Variants in MPHOSPH6 observed in about 807,000 individuals in gnomAD.
The protein encoded by MPHOSPH6 is M-phase phosphoprotein 6.
In MPHOSPH6, 25 loss-of-function variants were observed where a neutral mutation model predicts 21.8. The observed-to-expected ratio is 1.15, with a 90% CI of 0.83 to 1.60. The LOEUF (loss-of-function observed/expected upper bound fraction) is 1.60. Among genes scored for constraint, MPHOSPH6 ranks in the 40% most tolerant of loss-of-function variants. The pLI, the probability that MPHOSPH6 is intolerant of heterozygous loss-of-function variation, is 0.00. For synonymous variants in MPHOSPH6, 84 were observed against 56.5 expected (o/e 1.49, Z -2.18); for missense variants, 269 against 181.8 (o/e 1.48, Z -2.76).
intron 2 of MPHOSPH6, among the ~76,000 whole-genome samples, chr16:82,157,204 T>C (rs758150315): frequency 6.6e-6 from 1 of 152,194 alleles, no homozygotes; most frequent in Non-Finnish European, 1.5e-5. Flanking sequence ...ACTCCAAATG[T>C]TGAACTCTCA....
chr16:82,169,025 G>GAGTTA (rs1363810352), intron 1 of MPHOSPH6, among the ~76,000 whole-genome samples: 1 of 152,196 alleles, frequency 6.6e-6, no homozygotes, highest in East Asian at 1.9e-4. Context: ...TGTAAGAAGA[G>GAGTTA]AGTTACTGCC....
rs1331516889 is a variant in MPHOSPH6 at position 82,148,597 on chromosome 16, T to A, written c.*134A>T. On this transcript the variant is annotated 3_prime_UTR_variant, in exon 5 of 5. Transcript: ENST00000258169. ...TCACACATCTGTTTCAAAAACAGCATGTTTCTAAAATGATAATCTCTTTAC... is the reference window on the plus strand; with the variant it reads ...TCACACATCTGTTTCAAAAACAGCAAGTTTCTAAAATGATAATCTCTTTAC... 3 of 1,142,356 alleles carry A rather than the reference T, an allele frequency of 2.6e-6. No individual in the cohort carries two copies. The highest frequency in any genetic ancestry group is 3.6e-6 in the Non-Finnish European group (3 of 837,300). The allele number at this position is 1,142,356 out of a possible 1,614,324, so 70.8% of individuals were successfully genotyped here. A position where few individuals can be genotyped will look rare whatever the true frequency, so the allele number is the denominator to read the frequency against.
intron 1 of MPHOSPH6, among the ~76,000 whole-genome samples, chr16:82,168,531 C>T (rs11645372): frequency 0.66 from 97,312 of 148,294 alleles, 33,801 homozygotes; most frequent in East Asian, 0.78. Flanking sequence ...AGTGCAGTGG[C>T]GCCATCTCAG....
intron 2 of MPHOSPH6, chr16:82,163,859 T>C (rs1489385220): frequency 6.9e-6 from 3 of 437,012 alleles, no homozygotes; most frequent in Non-Finnish European, 1.2e-5. Context: ...CTTCATTCAA[T>C]GTAAAAAAGG....
intron 2 of MPHOSPH6, chr16:82,162,236 C>G (rs985398276): frequency 6.6e-6 from 1 of 152,206 alleles, no homozygotes; most frequent in Non-Finnish European, 1.5e-5. Context: ...AAACAACTGG[C>G]GGAGCTGGGC....
At chr16:82,148,945 A>T in intron 4 of MPHOSPH6, 82 bp from the exon 5 acceptor site, 1 of 1,494,598 alleles carries the variant, frequency 6.7e-7, no homozygotes, top group Non-Finnish European at 9.1e-7. Context: ...CAGACCAAAT[A>T]TGCAATAAAA....
chr16:82,150,056 A>G (rs970825191), intron 3 of MPHOSPH6, among the ~76,000 whole-genome samples: 1 of 149,888 alleles, frequency 6.7e-6, no homozygotes, highest in African/African-American at 2.4e-5. Flanking sequence ...TAGCAAGAGG[A>G]GAAGGAATAA....
In MPHOSPH6 at chr16:82,163,908, T is replaced by G; in HGVS notation, c.164+174A>C. 3 of 535,484 alleles carry G rather than the reference T, an allele frequency of 5.6e-6. No homozygotes were observed. The South Asian group carries it at 8.4e-5, about 15-fold the overall frequency. The allele number at this position is 535,484 out of a possible 1,614,324, so 33.2% of individuals were successfully genotyped here. A position where few individuals can be genotyped will look rare whatever the true frequency, so the allele number is the denominator to read the frequency against. On this transcript the variant is annotated intron_variant, in intron 2 of 4. Coordinates refer to ENST00000258169, the MANE Select transcript of MPHOSPH6 (RefSeq NM_005792.2). ...TGGGAGGGGGAGTAGTAAAAATGTA[T>G]AAATCCATGTACAACTTCTATAGGT...
At chr16:82,156,726 A>G (rs1906439099) in intron 2 of MPHOSPH6, among the ~76,000 whole-genome samples, 1 of 152,212 alleles carries the variant, frequency 6.6e-6, no homozygotes, top group Non-Finnish European at 1.5e-5. Context: ...TGAAAACATA[A>G]CAAAACAAAA....
chr16:82,159,892 G>C (rs1248199137), intron 2 of MPHOSPH6, among the ~76,000 whole-genome samples: 2 of 152,118 alleles, frequency 1.3e-5, no homozygotes, highest in South Asian at 2.1e-4. Context: ...CTTTTTCTAT[G>C]AACTTGGGAT....
At chr16:82,165,865 G>A (rs1309789280) in intron 1 of MPHOSPH6, among the ~76,000 whole-genome samples, 2 of 113,704 alleles carry the variant, frequency 1.8e-5, no homozygotes, top group African/African-American at 2.8e-5. Flanking sequence ...ACGTATCCCT[G>A]TTGTTAAATC....
At chr16:82,157,872 G>A (rs1352419933) in intron 2 of MPHOSPH6, among the ~76,000 whole-genome samples, 1 of 152,202 alleles carries the variant, frequency 6.6e-6, no homozygotes, top group Non-Finnish European at 1.5e-5. Flanking sequence ...CCTGCAGTTG[G>A]AATGGAGACA....
At chr16:82,149,264 T>C (rs764917030) in intron 4 of MPHOSPH6, 45 bp downstream of exon 4, 27 of 1,574,948 alleles carry the variant, frequency 1.7e-5, no homozygotes, top group Non-Finnish European at 2.1e-5. Flanking sequence ...GGAGAGCCAA[T>C]GAATGCTAGG....
At position 82,164,078 on chromosome 16, in the gene MPHOSPH6, C is replaced by T. The variant is rs779510305; in HGVS notation, c.164+4G>A. The T allele has an allele frequency of 7.5e-6, 12 of 1,592,822 alleles. No individual in the cohort carries two copies. In the Admixed American group the frequency reaches 2.0e-4, roughly 27 times the overall value. ...ATCATCAGTATCAATTTTAATAAAC[C>T]TACTCTTTCTCTTTAAGCTCTGGCA... On this transcript the variant is annotated splice_donor_region_variant and intron_variant, in intron 2 of 4. Coordinates refer to ENST00000258169, the MANE Select transcript of MPHOSPH6 (RefSeq NM_005792.2).
At chr16:82,156,569 A>T (rs910284681) in intron 2 of MPHOSPH6, among the ~76,000 whole-genome samples, 1 of 152,256 alleles carries the variant, frequency 6.6e-6, no homozygotes, top group African/African-American at 2.4e-5. Context: ...AAAAACCATA[A>T]TAAGATGCCA....
rs1338034462 is a variant in MPHOSPH6, at chr16:82,149,329, T to G, written c.330A>C (p.Ser110=). ...VEDETVELDV[S]DEEMARRYET... is the part of the protein sequence containing the mutation. Reference sequence around the variant, plus strand: ...GTTACCTTCTAGCCATCTCTTCATCTGACACATCAAGCTCTACTGTTTCAT... The same window carrying G: ...GTTACCTTCTAGCCATCTCTTCATCGGACACATCAAGCTCTACTGTTTCAT... The change falls in exon 4 of 5, where the codon TCA becomes TCC. Residue 110 remains serine, a synonymous_variant. Coordinates refer to ENST00000258169, the MANE Select transcript of MPHOSPH6 (RefSeq NM_005792.2). The G allele has an allele frequency of 1.2e-6, 2 of 1,613,376 alleles. No individual in the cohort carries two copies. The highest frequency in any genetic ancestry group is 1.7e-6 in the Non-Finnish European group (2 of 1,180,018).
At chr16:82,154,333 A>C (rs1906361083) in intron 2 of MPHOSPH6, among the ~76,000 whole-genome samples, 1 of 152,236 alleles carries the variant, frequency 6.6e-6, no homozygotes, top group African/African-American at 2.4e-5. Flanking sequence ...ATGTAAGTCA[A>C]CTGCCTAATG....
At chr16:82,163,259 C>G (rs1906661605) in intron 2 of MPHOSPH6, among the ~76,000 whole-genome samples, 1 of 152,144 alleles carries the variant, frequency 6.6e-6, no homozygotes, top group Non-Finnish European at 1.5e-5. Flanking sequence ...AGTCATTTGA[C>G]CAAAGTTTAA....
intron 1 of MPHOSPH6, among the ~76,000 whole-genome samples, chr16:82,167,927 C>A (rs1194384662): frequency 6.6e-6 from 1 of 152,174 alleles, no homozygotes; most frequent in Non-Finnish European, 1.5e-5. Flanking sequence ...CTGGTTAAGG[C>A]ACCCTAAGTG....
Sources: gnomAD v4.1 joint callset for allele counts (sites outside exome capture counted in the v4.1 genomes callset) on GRCh38, gnomAD v4.1.1 for gene constraint, MANE v1.5 for transcripts, NCBI Gene and HGNC (gene_info 2026-07-23, HGNC 2026-07-21) for gene names.